NAALADL2: variants seen among roughly 807,000 people sequenced by gnomAD.
The protein encoded by NAALADL2 is N-acetylated alpha-linked acidic dipeptidase like 2.
NAALADL2 carries 76 observed loss-of-function variants against 87.2 expected under a neutral mutation model. The ratio of observed to expected loss-of-function variants is 0.87; its 90% CI spans 0.72 to 1.05. NAALADL2 has a LOEUF of 1.05. NAALADL2 is among the 50% of genes least tolerant of loss of function. The pLI is 0.00. For missense variants in NAALADL2, 1,089 were observed against 945.8 expected, an observed-to-expected ratio of 1.15 and a Z score of -1.99; for synonymous variants, 354 against 331.0, an observed-to-expected ratio of 1.07 and a Z score of -0.75.
chr3:175,162,030 C>T (rs545733712), intron 2 of NAALADL2, among the ~76,000 whole-genome samples: 1 of 152,226 alleles, frequency 6.6e-6, no homozygotes, highest in South Asian at 2.1e-4. Context: ...TGGAATTTCA[C>T]CTTGTAATCT....
At chr3:175,276,774 T>A (rs1019488486) in intron 4 of NAALADL2, among the ~76,000 whole-genome samples, 1 of 152,194 alleles carries the variant, frequency 6.6e-6, no homozygotes, top group African/African-American at 2.4e-5. Flanking sequence ...CTTATTTATT[T>A]TTTAAATTTT....
chr3:174,627,963 G>A (rs1314677566), intron 2 of NAALADL2, among the ~76,000 whole-genome samples: 2 of 152,126 alleles, frequency 1.3e-5, no homozygotes, highest in Non-Finnish European at 2.9e-5. Flanking sequence ...CGGGAGTGAG[G>A]GATGTAATAC....
intron 11 of NAALADL2, chr3:175,655,488 C>A: frequency 2.6e-6 from 1 of 389,024 alleles, no homozygotes; most frequent in Non-Finnish European, 5.1e-6. Context: ...TAGTGAAGAA[C>A]ACACATGCTT....
In NAALADL2 at chr3:175,686,121, A is replaced by G. The variant is rs191839866; in HGVS notation, c.1897-51185A>G. ...TAATGGTTCCTCATCCATGAATCCT[A>G]TTAAAAACTGATTTAAAAATATTTC... On this transcript the variant is annotated intron_variant, in intron 11 of 13. Transcript: ENST00000454872. Among the ~76,000 whole-genome samples, 276 of 152,336 alleles carry G rather than the reference A, an allele frequency of 1.8e-3. 1 individual carries two copies. The highest frequency in any genetic ancestry group is 6.6e-3 in the African/African-American group (273 of 41,574).
At chr3:174,964,132 G>A (rs1742537139) in intron 1 of NAALADL2, among the ~76,000 whole-genome samples, 1 of 151,906 alleles carries the variant, frequency 6.6e-6, no homozygotes, top group African/African-American at 2.4e-5. Context: ...TTCTTCACAT[G>A]TAATGAAATA....
rs536570400 is a variant in NAALADL2, at chr3:175,790,640, A to G, written c.2190-12365A>G. 1.2e-4 allele frequency among the ~76,000 whole-genome samples: 19 copies of G among 152,252 alleles called. No homozygotes were observed. In the South Asian group the frequency reaches 3.7e-3, roughly 30 times the overall value. ...CAGTTTCCTCACCTTGGAGCAAGAA[A>G]TAGGCACTTGCAATGCAGATTTTTT... On this transcript the variant is annotated intron_variant, in intron 13 of 13. Transcript: ENST00000454872.
At chr3:174,657,663 C>T (rs1161578964) in intron 2 of NAALADL2, among the ~76,000 whole-genome samples, 1 of 152,064 alleles carries the variant, frequency 6.6e-6, no homozygotes, top group Non-Finnish European at 1.5e-5. Flanking sequence ...TCAGGATTCA[C>T]TCTTGATTTT....
At chr3:174,930,726 A>G (rs1736762529) in intron 1 of NAALADL2, among the ~76,000 whole-genome samples, 1 of 142,986 alleles carries the variant, frequency 7.0e-6, no homozygotes, top group Non-Finnish European at 1.5e-5. Context: ...GGTTCTCACC[A>G]TTCTCCTGCC....
intron 10 of NAALADL2, among the ~76,000 whole-genome samples, chr3:175,598,127 CTAAT>C (rs1233279134): frequency 6.6e-6 from 1 of 151,940 alleles, no homozygotes. Context: ...CTCTTTGCTA[CTAAT>C]TATTTTATAA....
intron 9 of NAALADL2, among the ~76,000 whole-genome samples, chr3:175,521,672 G>A (rs948966530): frequency 1.2e-4 from 18 of 152,142 alleles, no homozygotes; most frequent in African/African-American, 9.7e-5. Context: ...AGACACACAC[G>A]GAGATGGCCA....
At chr3:174,993,733 A>G (rs562265696) in intron 1 of NAALADL2, among the ~76,000 whole-genome samples, 2 of 152,324 alleles carry the variant, frequency 1.3e-5, no homozygotes, top group African/African-American at 4.8e-5. Flanking sequence ...GGATTGTGAA[A>G]ACACAGTACC....
intron 1 of NAALADL2, among the ~76,000 whole-genome samples, chr3:174,538,613 A>G (rs903190791): frequency 6.6e-6 from 1 of 152,164 alleles, no homozygotes; most frequent in Non-Finnish European, 1.5e-5. Context: ...AGAATTAACT[A>G]AGATTCTGGC....
intron 10 of NAALADL2, among the ~76,000 whole-genome samples, chr3:175,585,051 C>T (rs894603917): frequency 6.6e-6 from 1 of 151,914 alleles, no homozygotes; most frequent in Non-Finnish European, 1.5e-5. Flanking sequence ...TTTGTAATAA[C>T]ATTTAGCTTA....
At chr3:175,702,999 A>G (rs1256236064) in intron 11 of NAALADL2, among the ~76,000 whole-genome samples, 3 of 152,158 alleles carry the variant, frequency 2.0e-5, no homozygotes, top group South Asian at 2.1e-4. Context: ...AAAATATCCT[A>G]TGTAATTTCC....
rs11333456 is a variant in NAALADL2 at position 175,026,655 on chromosome 3, C to CA, written c.44-70123dup. 8.7e-4 allele frequency among the ~76,000 whole-genome samples: 125 copies of CA among 143,252 alleles called. 1 individual carries two copies. Among genetic ancestry groups the CA allele is most frequent in the Middle Eastern group, 6.9e-3 (2 of 288 alleles). 94.0% of individuals were successfully genotyped at this position (143,252 alleles called of 152,430 possible). On this transcript the variant is annotated intron_variant, in intron 1 of 13. Transcript: ENST00000454872. ...AGGCAACAAGAACAAAACTCTGTCT[C>CA]AAAAAAAAAAAATCAAATTGGTGAG...
chr3:174,801,571 G>A (rs1302098079), intron 3 of NAALADL2, among the ~76,000 whole-genome samples: 2 of 151,962 alleles, frequency 1.3e-5, no homozygotes, highest in African/African-American at 2.4e-5. Flanking sequence ...AAAAGCATTT[G>A]GTTTATCATT....
chr3:175,291,169 A>C (rs1337065232), intron 4 of NAALADL2, among the ~76,000 whole-genome samples: 1 of 152,150 alleles, frequency 6.6e-6, no homozygotes, highest in Non-Finnish European at 1.5e-5. Context: ...GGAGTAAAAA[A>C]TAAATTCACA....
intron 2 of NAALADL2, among the ~76,000 whole-genome samples, chr3:174,584,695 T>G (rs1716523031): frequency 6.6e-6 from 1 of 152,152 alleles, no homozygotes; most frequent in Admixed American, 6.5e-5. Context: ...TAGTACCATC[T>G]CAAGTATTTA....
At chr3:174,929,403 T>G (rs1367564144) in intron 1 of NAALADL2, among the ~76,000 whole-genome samples, 2 of 152,204 alleles carry the variant, frequency 1.3e-5, no homozygotes, top group Non-Finnish European at 2.9e-5. Flanking sequence ...TTTCTTCTTT[T>G]TCCTTATTCT....
Sources: gnomAD v4.1 joint callset for allele counts (sites outside exome capture counted in the v4.1 genomes callset) on GRCh38, gnomAD v4.1.1 for gene constraint, MANE v1.5 for transcripts, NCBI Gene and HGNC (gene_info 2026-07-23, HGNC 2026-07-21) for gene names.